The following ARB2A variants were observed in gnomAD, a reference collection of about 807,000 sequenced individuals.
ARB2A encodes cotranscriptional regulator ARB2A.
chr5:93,731,713 A>G, the ARB2A span, among the ~76,000 whole-genome samples: 1 of 152,202 alleles, frequency 6.6e-6, no homozygotes, highest in African/African-American at 2.4e-5. Flanking sequence ...TGGCCACTCA[A>G]CCTAGTCCTA....
At chr5:94,047,756 C>T in the ARB2A span, among the ~76,000 whole-genome samples, 1 of 152,060 alleles carries the variant, frequency 6.6e-6, no homozygotes, top group Non-Finnish European at 1.5e-5. Context: ...ATCATTTACA[C>T]ATGGAATTAC....
chr5:93,639,562 C>T, the ARB2A span, among the ~76,000 whole-genome samples: 1 of 151,756 alleles, frequency 6.6e-6, no homozygotes, highest in African/African-American at 2.4e-5. Context: ...TAGAAAAATG[C>T]ATTGATTTAA....
chr5:93,761,282 G>A, the ARB2A span, among the ~76,000 whole-genome samples: 1 of 152,160 alleles, frequency 6.6e-6, no homozygotes, highest in Non-Finnish European at 1.5e-5. Context: ...GGAAGCACAA[G>A]GGGTCAGGGA....
At chr5:93,961,666 G>GC in the ARB2A span, among the ~76,000 whole-genome samples, 1 of 152,012 alleles carries the variant, frequency 6.6e-6, no homozygotes, top group Non-Finnish European at 1.5e-5. Flanking sequence ...TTGTGCAACA[G>GC]AGTGAGACTC....
the ARB2A span, among the ~76,000 whole-genome samples, chr5:93,825,600 TC>T: frequency 6.6e-6 from 1 of 152,158 alleles, no homozygotes; most frequent in Non-Finnish European, 1.5e-5. Flanking sequence ...TTGAATGAGA[TC>T]CTCTCCAGGC....
the ARB2A span, among the ~76,000 whole-genome samples, chr5:94,064,391 A>G: frequency 5.9e-5 from 9 of 152,242 alleles, no homozygotes; most frequent in African/African-American, 2.2e-4. Context: ...GGTGTCCCAG[A>G]AGGCAAAGAG....
At chr5:93,732,060 G>A in the ARB2A span, among the ~76,000 whole-genome samples, 1 of 152,154 alleles carries the variant, frequency 6.6e-6, no homozygotes, top group South Asian at 2.1e-4. Flanking sequence ...GTGGCACAGT[G>A]GCAGCTTAAC....
At chr5:93,965,625 G>A in the ARB2A span, among the ~76,000 whole-genome samples, 1 of 151,868 alleles carries the variant, frequency 6.6e-6, no homozygotes, top group Admixed American at 6.6e-5. Context: ...TTAAATAGAT[G>A]GTACTAATGG....
chr5:93,656,601 G>A, the ARB2A span, among the ~76,000 whole-genome samples: 1 of 152,024 alleles, frequency 6.6e-6, no homozygotes, highest in East Asian at 1.9e-4. Context: ...ATGGTAAAAG[G>A]AAGAAATAAG....
At chr5:93,767,191 A>C in the ARB2A span, among the ~76,000 whole-genome samples, 2 of 152,206 alleles carry the variant, frequency 1.3e-5, no homozygotes, top group Non-Finnish European at 2.9e-5. Context: ...AAGTATAATA[A>C]AGAAAAAATC....
chr5:94,082,102 A>G, the ARB2A span, among the ~76,000 whole-genome samples: 1 of 152,182 alleles, frequency 6.6e-6, no homozygotes, highest in Non-Finnish European at 1.5e-5. Flanking sequence ...AAGATTTTGT[A>G]AATCACAGTG....
At chr5:93,688,788 T>C in the ARB2A span, among the ~76,000 whole-genome samples, 1 of 152,164 alleles carries the variant, frequency 6.6e-6, no homozygotes, top group African/African-American at 2.4e-5. Context: ...GACACCAAAC[T>C]GATGCTTCTG....
At chr5:94,043,630 A>G in the ARB2A span, among the ~76,000 whole-genome samples, 1 of 152,184 alleles carries the variant, frequency 6.6e-6, no homozygotes, top group Admixed American at 6.5e-5. Flanking sequence ...TACTTTACCT[A>G]CACAGTCCCT....
chr5:94,106,960 C>T, the ARB2A span, among the ~76,000 whole-genome samples: 1 of 145,224 alleles, frequency 6.9e-6, no homozygotes, highest in Non-Finnish European at 1.5e-5. Flanking sequence ...AAGAAGGAAA[C>T]AATACACAAT....
the ARB2A span, among the ~76,000 whole-genome samples, chr5:93,898,914 A>G: frequency 1.3e-5 from 2 of 152,126 alleles, no homozygotes; most frequent in Non-Finnish European, 2.9e-5. Flanking sequence ...CCCTGCAGAC[A>G]GATATTGTTC....
At chr5:94,035,686 A>G in the ARB2A span, among the ~76,000 whole-genome samples, 118 of 152,304 alleles carry the variant, frequency 7.7e-4, no homozygotes, top group Middle Eastern at 0.01. Flanking sequence ...ATAAAAAAGA[A>G]TGAGTTCGTG....
the ARB2A span, among the ~76,000 whole-genome samples, chr5:93,936,657 T>C: frequency 2.6e-5 from 4 of 152,208 alleles, no homozygotes; most frequent in Non-Finnish European, 4.4e-5. Flanking sequence ...TACTATATAT[T>C]GCATACTATA....
the ARB2A span, among the ~76,000 whole-genome samples, chr5:94,042,617 C>T: frequency 6.6e-6 from 1 of 152,046 alleles, no homozygotes. Context: ...AAAAGATCTG[C>T]TTTTAACAAA....
chr5:93,838,288 T>C, the ARB2A span, among the ~76,000 whole-genome samples: 1 of 152,224 alleles, frequency 6.6e-6, no homozygotes, highest in Non-Finnish European at 1.5e-5. Context: ...CTGTAGGCTT[T>C]GTAGAAGATC....
Sources: allele counts gnomAD v4.1 joint callset (sites outside exome capture counted in the v4.1 genomes callset), GRCh38; gene constraint gnomAD v4.1.1; transcripts MANE v1.5; gene names NCBI Gene and HGNC (gene_info 2026-07-23, HGNC 2026-07-21).